Variants in RNF17 observed in about 807,000 individuals in gnomAD.
The protein encoded by RNF17 is spermatogenesis associated 23.
Under a neutral mutation model 200.5 loss-of-function variants are expected in RNF17, and 31 were observed. The observed-to-expected ratio is 0.15, with a 90% CI of 0.12 to 0.21. The LOEUF (loss-of-function observed/expected upper bound fraction) is 0.21. Ranked by LOEUF, RNF17 falls within the 10% of genes least tolerant of loss-of-function variation. The pLI is 1.00. For synonymous variants in RNF17, 606 were observed against 637.8 expected, an observed-to-expected ratio of 0.95 and a Z score of 0.75; for missense variants, 1,628 against 1,905.1, an observed-to-expected ratio of 0.85 and a Z score of 2.71.
At position 24,877,019 on chromosome 13, in the gene RNF17, C is replaced by T. The variant is rs747711786; in HGVS notation, c.4606C>T (p.Leu1536Phe). The change falls in exon 34 of 36, where the codon CTT (leucine) becomes TTT (phenylalanine). Residue 1536 changes from leucine (L) to phenylalanine (F), a missense_variant. This residue lies in a region of RNF17 where 609 missense variants were observed against 681.9 expected (regional missense o/e 0.89). Transcript: ENST00000255324. ...LNRLCQIPSH[L>F]MRYPARAIKV... ...CAGACTGTGCCAAATTCCTTCTCAT[C>T]TTATGCGGTATCCAGCTCGAGCCAT... 1.2e-6 allele frequency: 2 copies of T among 1,604,256 alleles called. No individual in the cohort carries two copies. Among genetic ancestry groups the T allele is most frequent in the African/African-American group, 2.7e-5 (2 of 74,384 alleles).
rs961778026 is a variant in RNF17 at position 24,850,259 on chromosome 13, G to A, written c.3102-82G>A. On this transcript the variant is annotated intron_variant, in intron 22 of 35. Coordinates refer to ENST00000255324, the MANE Select transcript of RNF17 (RefSeq NM_031277.3). ...GTTGGTTCAAACTATGAGTGTATCT[G>A]TGTGTAAATATAGTGTTTTTTGTAT... 96 of 817,344 alleles carry A rather than the reference G, an allele frequency of 1.2e-4. 1 individual carries two copies. The highest frequency in any genetic ancestry group is 1.7e-4 in the Non-Finnish European group (86 of 491,610). The allele number at this position is 817,344 out of a possible 1,614,324, so 50.6% of individuals were successfully genotyped here.
intron 2 of RNF17, among the ~76,000 whole-genome samples, chr13:24,768,287 C>CTTTT (rs34718905): frequency 4.4e-5 from 6 of 136,276 alleles, no homozygotes; most frequent in South Asian, 2.3e-4. Flanking sequence ...CTGTAAATTC[C>CTTTT]TTTTTTTTTT....
the RNF17 span, among the ~76,000 whole-genome samples, chr13:24,756,474 G>C: frequency 6.6e-6 from 1 of 151,528 alleles, no homozygotes; most frequent in Admixed American, 6.6e-5. Flanking sequence ...GGAAGTCATA[G>C]CGAATCCCGA....
intron 32 of RNF17, among the ~76,000 whole-genome samples, chr13:24,872,493 A>C (rs1011102903): frequency 6.6e-6 from 1 of 151,982 alleles, no homozygotes; most frequent in Non-Finnish European, 1.5e-5. Context: ...ATACCGTACT[A>C]ATTTTTCCAC....
upstream of RNF17, among the ~76,000 whole-genome samples, chr13:24,761,276 T>A (rs1487672653): frequency 1.3e-5 from 2 of 152,246 alleles, no homozygotes; most frequent in Non-Finnish European, 2.9e-5. Flanking sequence ...TGGCTTGGTG[T>A]TATTCTATTA....
At chr13:24,849,542 A>G (rs1418728289) in intron 22 of RNF17, among the ~76,000 whole-genome samples, 1 of 152,232 alleles carries the variant, frequency 6.6e-6, no homozygotes, top group Non-Finnish European at 1.5e-5. Flanking sequence ...GGGAAGCCAA[A>G]AGATTGGACA....
intron 15 of RNF17, among the ~76,000 whole-genome samples, chr13:24,818,415 T>A (rs1338623204): frequency 6.6e-6 from 1 of 152,184 alleles, no homozygotes; most frequent in Non-Finnish European, 1.5e-5. Context: ...ACAGTGTTAT[T>A]CAAGTCTTCT....
At chr13:24,788,631 A>G (rs751848085) in intron 7 of RNF17, among the ~76,000 whole-genome samples, 3 of 152,108 alleles carry the variant, frequency 2.0e-5, no homozygotes, top group Non-Finnish European at 4.4e-5. Flanking sequence ...TCCATTCCAA[A>G]TTGTGCAAGT....
At chr13:24,812,768 G>A (rs1279437938) in intron 15 of RNF17, among the ~76,000 whole-genome samples, 1 of 147,292 alleles carries the variant, frequency 6.8e-6, no homozygotes, top group Non-Finnish European at 1.5e-5. Context: ...TGCAAGCTCT[G>A]CCTCCTGGGT....
At chr13:24,856,143 A>G (rs1254743939) in intron 25 of RNF17, among the ~76,000 whole-genome samples, 1 of 152,096 alleles carries the variant, frequency 6.6e-6, no homozygotes, top group Non-Finnish European at 1.5e-5. Flanking sequence ...TTCTTGGGCC[A>G]GGCGCAGTGG....
intron 28 of RNF17, among the ~76,000 whole-genome samples, chr13:24,864,418 A>G (rs1005317195): frequency 6.6e-6 from 1 of 152,250 alleles, no homozygotes; most frequent in Admixed American, 6.5e-5. Context: ...TCAGCACCCA[A>G]TAACTGTAAG....
intron 15 of RNF17, among the ~76,000 whole-genome samples, chr13:24,816,900 A>G (rs952173701): frequency 1.3e-5 from 2 of 151,560 alleles, no homozygotes; most frequent in African/African-American, 4.8e-5. Context: ...TTTACTGTAA[A>G]CATCAGTGAC....
intron 9 of RNF17, among the ~76,000 whole-genome samples, chr13:24,790,685 A>C (rs958998263): frequency 6.6e-6 from 1 of 152,178 alleles, no homozygotes; most frequent in Non-Finnish European, 1.5e-5. Flanking sequence ...CCAAGATCAT[A>C]ATGCTGGCAG....
At chr13:24,814,493 T>G (rs941463922) in intron 15 of RNF17, among the ~76,000 whole-genome samples, 9 of 152,250 alleles carry the variant, frequency 5.9e-5, no homozygotes, top group Non-Finnish European at 1.2e-4. Flanking sequence ...CTATGCTTTC[T>G]TCTAAGAGTT....
At chr13:24,804,918 GC>G (rs1885666108) in intron 15 of RNF17, among the ~76,000 whole-genome samples, 1 of 152,048 alleles carries the variant, frequency 6.6e-6, no homozygotes, top group Non-Finnish European at 1.5e-5. Flanking sequence ...TCATCATAAG[GC>G]CCTTAAGACT....
chr13:24,882,209 G>GATATATAT (rs1387993918), downstream of RNF17: 1 of 15,036 alleles, frequency 6.7e-5, no homozygotes, highest in South Asian at 3.8e-3. Context: ...CATCTATATA[G>GATATATAT]ATAGATATAG....
chr13:24,883,862 G>T (rs994533103), downstream of RNF17: 2 of 1,300,936 alleles, frequency 1.5e-6, no homozygotes, highest in African/African-American at 2.9e-5. Flanking sequence ...CCTAATATGG[G>T]TGTCACATAT....
intron 2 of RNF17, among the ~76,000 whole-genome samples, chr13:24,769,062 C>T (rs1880267054): frequency 6.9e-6 from 1 of 143,914 alleles, no homozygotes; most frequent in Admixed American, 7.2e-5. Context: ...GAAGTGAGCC[C>T]TCCTCATGTG....
chr13:24,820,698 A>G (rs1887957730), intron 15 of RNF17, among the ~76,000 whole-genome samples: 1 of 152,154 alleles, frequency 6.6e-6, no homozygotes, highest in Non-Finnish European at 1.5e-5. Flanking sequence ...GCCTCCCCAA[A>G]GTGCTGGGAT....
Sources: allele counts gnomAD v4.1 joint callset (sites outside exome capture counted in the v4.1 genomes callset), GRCh38; gene constraint gnomAD v4.1.1; regional missense constraint gnomAD v4.1.1; transcripts MANE v1.5; gene names NCBI Gene and HGNC (gene_info 2026-07-23, HGNC 2026-07-21).